RAB37: variants seen among roughly 807,000 people sequenced by gnomAD.
The protein encoded by RAB37 is RAB37, member RAS oncogene family, also known as ras-related protein Rab-37.
RAB37 carries 29 observed loss-of-function variants against 33.1 expected under a neutral mutation model. The ratio of observed to expected loss-of-function variants is 0.88; its 90% CI spans 0.65 to 1.20. The LOEUF is 1.20. RAB37 is among the 50% of genes most tolerant of loss of function. The pLI is 0.00. For missense variants in RAB37, 299 were observed against 301.1 expected (o/e 0.99, Z 0.05); for synonymous variants, 128 against 119.5 (o/e 1.07, Z -0.47).
upstream of RAB37, chr17:74,736,552 T>G (rs1355260590): frequency 6.8e-7 from 1 of 1,475,770 alleles, no homozygotes; most frequent in East Asian, 2.5e-5. Context: ...GGCCCCGCCT[T>G]CAGGAGCGGT....
At chr17:74,710,687 C>T (rs2033884793) in intron 1 of RAB37, among the ~76,000 whole-genome samples, 3 of 149,404 alleles carry the variant, frequency 2.0e-5, no homozygotes, top group Admixed American at 1.3e-4. Flanking sequence ...GGTAAAACCC[C>T]ATCTCTACTA....
intron 1 of RAB37, among the ~76,000 whole-genome samples, chr17:74,728,609 A>ATG (rs961874778): frequency 2.1e-5 from 3 of 145,768 alleles, no homozygotes; most frequent in Non-Finnish European, 4.5e-5. Flanking sequence ...GTGTATGTTT[A>ATG]TGTGTGTGTG....
intron 1 of RAB37, chr17:74,698,642 G>T: frequency 6.8e-7 from 1 of 1,467,574 alleles, no homozygotes; most frequent in Non-Finnish European, 9.0e-7. Flanking sequence ...TCAAAGATGG[G>T]TTTACAATGA....
At chr17:74,722,360 ACT>A (rs1312218891) in intron 1 of RAB37, among the ~76,000 whole-genome samples, 3 of 152,016 alleles carry the variant, frequency 2.0e-5, no homozygotes, top group Non-Finnish European at 4.4e-5. Flanking sequence ...GCAAGTCCAA[ACT>A]CTGTAGGGCC....
chr17:74,673,283 A>C (rs2031746855), intron 1 of RAB37, among the ~76,000 whole-genome samples: 1 of 151,646 alleles, frequency 6.6e-6, no homozygotes, highest in Non-Finnish European at 1.5e-5. Flanking sequence ...TGCGCCTGTG[A>C]TCCCAGCTAC....
intron 1 of RAB37, among the ~76,000 whole-genome samples, chr17:74,737,710 A>T (rs1779529313): frequency 1.3e-5 from 2 of 152,108 alleles, no homozygotes; most frequent in African/African-American, 2.4e-5. Flanking sequence ...GGGCTGGGAG[A>T]TGGGGACCGA....
intron 3 of RAB37, 94 bp from the exon 4 acceptor site, chr17:74,743,035 C>A (rs1024787204): frequency 8.9e-7 from 1 of 1,128,286 alleles, no homozygotes; most frequent in Non-Finnish European, 1.3e-6. Context: ...CACCTTCCCA[C>A]AGATATCTCA....
upstream of RAB37, among the ~76,000 whole-genome samples, chr17:74,735,714 G>C (rs557387469): frequency 6.6e-6 from 1 of 152,208 alleles, no homozygotes; most frequent in African/African-American, 2.4e-5. Context: ...CTCACCTCCA[G>C]AAGAGGTAAC....
At chr17:74,681,084 G>T (rs542364616) in intron 1 of RAB37, among the ~76,000 whole-genome samples, 1 of 152,228 alleles carries the variant, frequency 6.6e-6, no homozygotes, top group African/African-American at 2.4e-5. Flanking sequence ...AAGGAGCTGC[G>T]TCCAGCAGGC....
chr17:74,700,275 T>G (rs745676952), intron 1 of RAB37, among the ~76,000 whole-genome samples: 33 of 152,162 alleles, frequency 2.2e-4, no homozygotes, highest in Non-Finnish European at 1.5e-5. Flanking sequence ...CCTCCACTCC[T>G]GCCTACGACT....
chr17:74,714,934 C>T (rs2034146118), intron 1 of RAB37, among the ~76,000 whole-genome samples: 1 of 152,112 alleles, frequency 6.6e-6, no homozygotes, highest in Non-Finnish European at 1.5e-5. Flanking sequence ...TCAGCCTGGC[C>T]AACATGGCAA....
At position 74,671,653 on chromosome 17, in the gene RAB37, C is replaced by A. The variant is rs1266558200; in HGVS notation, c.67C>A (p.His23Asn). The A allele has an allele frequency of 1.1e-5, 18 of 1,613,994 alleles. No homozygotes were observed. The highest frequency in any genetic ancestry group is 1.6e-4 in the Middle Eastern group (1 of 6,084). ...CCCTGACTTCAACGACCACGTCCTG[C>A]ATAAGGTAAACATCTCCTGTATTCC... Residue 23 changes from histidine to asparagine, a missense_variant, in exon 1 of 8, where the codon CAT (histidine) becomes AAT (asparagine). Physicochemically the swap from His to Asn is moderately conservative, Grantham distance 68. Transcript: ENST00000340415. This position sits in a 1 kb window ranked among gnomAD's most constrained non-coding sequence, Gnocchi z 5.0.
At chr17:74,737,116 A>G (rs1304810063), upstream of RAB37, 5 of 1,588,998 alleles carry the variant, frequency 3.1e-6, no homozygotes, top group Non-Finnish European at 4.3e-6. Context: ...GGGAACAGCA[A>G]GGTCCGAGCC....
intron 2 of RAB37, among the ~76,000 whole-genome samples, chr17:74,731,471 G>T (rs2034383527): frequency 6.6e-6 from 1 of 152,162 alleles, no homozygotes; most frequent in African/African-American, 2.4e-5. Context: ...CTGGAAGTGG[G>T]ACCTGCCCAG....
chr17:74,724,551 G>T (rs1462489761), intron 1 of RAB37, among the ~76,000 whole-genome samples: 1 of 152,338 alleles, frequency 6.6e-6, no homozygotes, highest in African/African-American at 2.4e-5. Flanking sequence ...TGTGAGCAAC[G>T]TGGCTGTTTA....
intron 1 of RAB37, among the ~76,000 whole-genome samples, chr17:74,703,491 A>G (rs2033247378): frequency 6.6e-6 from 1 of 152,170 alleles, no homozygotes; most frequent in Non-Finnish European, 1.5e-5. Context: ...TCCAGCAAAA[A>G]CAGGAGCAGA....
At chr17:74,697,070 T>C (rs2032556164) in intron 1 of RAB37, among the ~76,000 whole-genome samples, 1 of 152,150 alleles carries the variant, frequency 6.6e-6, no homozygotes, top group Admixed American at 6.5e-5. Flanking sequence ...GCCTCCTGAG[T>C]AGCTGGAACT....
rs2034366954 is a variant in RAB37 at position 74,730,135 on chromosome 17, A to C, written c.183+769A>C. On this transcript the variant is annotated intron_variant, in intron 2 of 7. Coordinates refer to the RAB37 transcript ENST00000340415. The surrounding 1 kb of genome is among the most constrained non-coding windows in gnomAD (Gnocchi z 4.4). ...TGCAGCTGCCCTTGAATTCCTGGGA[A>C]GACCTTGGGAGAGGGTTCCACTCCT... Among the ~76,000 whole-genome samples, 1 of 152,134 alleles carries C rather than the reference A, an allele frequency of 6.6e-6. No homozygotes were observed. Among genetic ancestry groups the C allele is most frequent in the Non-Finnish European group, 1.5e-5 (1 of 68,008 alleles).
chr17:74,714,857 C>A (rs34840376), intron 1 of RAB37, among the ~76,000 whole-genome samples: 27,482 of 152,124 alleles, frequency 0.18, 2,718 homozygotes, highest in East Asian at 0.32. Context: ...CTCAGTGGCT[C>A]ACACTTGTAA....
Sources: allele counts gnomAD v4.1 joint callset (sites outside exome capture counted in the v4.1 genomes callset), GRCh38; gene constraint gnomAD v4.1.1; non-coding constraint Gnocchi (gnomAD v3.1); transcripts MANE v1.5; gene names NCBI Gene and HGNC (gene_info 2026-07-23, HGNC 2026-07-21).